Variants in AGBL1 observed in about 807,000 individuals in gnomAD.
The protein encoded by AGBL1 is AGBL carboxypeptidase 1, also known as cytosolic carboxypeptidase 4.
AGBL1 carries 130 observed loss-of-function variants against 118.9 expected under a neutral mutation model. The observed-to-expected ratio is 1.09, with a 90% CI of 0.95 to 1.26. The LOEUF is 1.26. AGBL1 is among the 50% of genes most tolerant of loss of function. The pLI, the probability that AGBL1 is intolerant of heterozygous loss-of-function variation, is 0.00. For synonymous variants in AGBL1, 555 were observed against 478.9 expected (o/e 1.16, Z -2.08); for missense variants, 1,584 against 1,298.1 (o/e 1.22, Z -3.38).
chr15:86,289,276 C>T (rs1332985401), intron 16 of AGBL1, among the ~76,000 whole-genome samples: 1 of 152,150 alleles, frequency 6.6e-6, no homozygotes, highest in Non-Finnish European at 1.5e-5. Context: ...ATTTTCCATG[C>T]CTCACCGCTG....
intron 18 of AGBL1, among the ~76,000 whole-genome samples, chr15:86,406,343 C>T (rs1207488364): frequency 2.6e-5 from 4 of 152,244 alleles, no homozygotes; most frequent in Middle Eastern, 3.4e-3. Context: ...ATCTATTTAC[C>T]GAGTGCTCAA....
In AGBL1 at chr15:86,143,738, G is replaced by T. The variant is rs756467636; in HGVS notation, c.155G>T (p.Gly52Val). 5 of 1,613,850 alleles carry T rather than the reference G, an allele frequency of 3.1e-6. No homozygotes were observed. The highest frequency in any genetic ancestry group is 4.2e-6 in the Non-Finnish European group (5 of 1,179,800). ...RRIHYMISKGGSEALLQTLVD... is the reference protein window; with the variant it reads ...RRIHYMISKGVSEALLQTLVD... ...ATTCACTACATGATCAGCAAGGGTGGCAGTGAAGCTCTTCTGCAGACCCTG... is the reference window on the plus strand; with the variant it reads ...ATTCACTACATGATCAGCAAGGGTGTCAGTGAAGCTCTTCTGCAGACCCTG... The change falls in exon 3 of 23, where the codon GGC becomes GTC. Residue 52 changes from glycine (G) to valine (V), a missense_variant. Physicochemically the swap from Gly to Val is moderately radical, Grantham distance 109. Transcript: ENST00000614907.
chr15:86,586,847 T>C (rs1316779281), intron 21 of AGBL1, among the ~76,000 whole-genome samples: 2 of 152,082 alleles, frequency 1.3e-5, no homozygotes, highest in East Asian at 1.9e-4. Context: ...TAGAAAGGAA[T>C]GCTTAAGTTA....
intron 1 of AGBL1, among the ~76,000 whole-genome samples, chr15:86,135,141 C>T (rs1487409375): frequency 3.3e-5 from 5 of 152,208 alleles, no homozygotes; most frequent in African/African-American, 2.4e-5. Context: ...GTCACAGGAG[C>T]GGGTGAGTTC....
intron 21 of AGBL1, among the ~76,000 whole-genome samples, chr15:86,574,032 C>T (rs1221245683): frequency 6.6e-6 from 1 of 151,290 alleles, no homozygotes; most frequent in Non-Finnish European, 1.5e-5. Flanking sequence ...AGCGACCAAA[C>T]AAATAAACAA....
At chr15:86,705,620 G>T (rs556966775) in intron 22 of AGBL1, among the ~76,000 whole-genome samples, 1 of 152,182 alleles carries the variant, frequency 6.6e-6, no homozygotes, top group African/African-American at 2.4e-5. Context: ...TTATGGGGAT[G>T]TAAGCATTAT....
chr15:86,712,106 T>C (rs566322425), intron 22 of AGBL1, among the ~76,000 whole-genome samples: 2 of 152,310 alleles, frequency 1.3e-5, no homozygotes, highest in East Asian at 1.9e-4. Context: ...CTCTATAGCC[T>C]TTGATTTTTA....
chr15:86,762,638 G>A (rs768960849), intron 22 of AGBL1, among the ~76,000 whole-genome samples: 6 of 152,014 alleles, frequency 3.9e-5, no homozygotes, highest in Non-Finnish European at 7.4e-5. Context: ...CATGGAGAAG[G>A]CATAGGAAAT....
At chr15:86,714,246 T>G (rs567272482) in intron 22 of AGBL1, among the ~76,000 whole-genome samples, 196 of 152,158 alleles carry the variant, frequency 1.3e-3, no homozygotes, top group African/African-American at 4.5e-3. Flanking sequence ...AAAGGCACAT[T>G]TTACTGGTGA....
intron 23 of AGBL1, among the ~76,000 whole-genome samples, chr15:86,978,198 A>G (rs187064417): frequency 4.6e-5 from 7 of 152,294 alleles, no homozygotes; most frequent in Non-Finnish European, 8.8e-5. Context: ...TGAAATTTTC[A>G]TATCTGAAAT....
intron 14 of AGBL1, among the ~76,000 whole-genome samples, chr15:86,270,488 C>T (rs1255924892): frequency 6.6e-6 from 1 of 152,148 alleles, no homozygotes. Flanking sequence ...TTAAATTCTC[C>T]TGAATACCCG....
chr15:86,852,731 C>T (rs1349076923), intron 22 of AGBL1, among the ~76,000 whole-genome samples: 1 of 152,292 alleles, frequency 6.6e-6, no homozygotes, highest in East Asian at 1.9e-4. Context: ...CTGTGAACCT[C>T]TTTCCTGGAA....
At chr15:86,175,178 T>C (rs1333359737) in intron 5 of AGBL1, among the ~76,000 whole-genome samples, 1 of 152,058 alleles carries the variant, frequency 6.6e-6, no homozygotes, top group African/African-American at 2.4e-5. Flanking sequence ...TTTTTATTAC[T>C]CATTCAATCT....
intron 18 of AGBL1, among the ~76,000 whole-genome samples, chr15:86,505,775 T>C (rs11857429): frequency 0.092 from 13,985 of 152,000 alleles, 2,249 homozygotes; most frequent in African/African-American, 0.32. Context: ...TATCTGGGCT[T>C]CCACAAGGAT....
chr15:86,191,633 C>T (rs2077723268), intron 5 of AGBL1, among the ~76,000 whole-genome samples: 1 of 152,050 alleles, frequency 6.6e-6, no homozygotes, highest in African/African-American at 2.4e-5. Flanking sequence ...TTGTGAATGA[C>T]AGAAAACTCT....
chr15:86,579,399 A>G lies in AGBL1; in HGVS notation c.2994+24862A>G, dbSNP rs147538988. On this transcript the variant is annotated intron_variant, in intron 21 of 22. Transcript: ENST00000614907. ...TTAATGTAATATGAATTAAATGTGA[A>G]TTATGACTGTTAAAAACGTGAATGT... Among the ~76,000 whole-genome samples the G allele has an allele frequency of 2.9e-3, 449 of 152,352 alleles. 3 individuals are homozygous for G. The highest frequency in any genetic ancestry group is 0.01 in the African/African-American group (417 of 41,580).
rs144799716 is a variant in AGBL1 at position 86,092,415 on chromosome 15, A to G, written c.51+12392A>G. ...TTCCATGAACCTCTGCTCTTAAATAATGGTAGGTTAGATATTTCAGACCAA... is the reference window on the plus strand; with the variant it reads ...TTCCATGAACCTCTGCTCTTAAATAGTGGTAGGTTAGATATTTCAGACCAA... On this transcript the variant is annotated intron_variant, in intron 1 of 22. Transcript: ENST00000614907. 2.2e-3 allele frequency among the ~76,000 whole-genome samples: 340 copies of G among 152,294 alleles called. No individual in the cohort carries two copies. In the Middle Eastern group the frequency reaches 0.027, roughly 12 times the overall value.
intron 18 of AGBL1, among the ~76,000 whole-genome samples, chr15:86,426,237 A>T (rs1309610025): frequency 6.6e-6 from 1 of 152,218 alleles, no homozygotes; most frequent in Non-Finnish European, 1.5e-5. Flanking sequence ...ATACAAAGGA[A>T]TGTCAGCTTA....
At chr15:86,367,068 T>G (rs2141934656) in intron 17 of AGBL1, among the ~76,000 whole-genome samples, 1 of 152,314 alleles carries the variant, frequency 6.6e-6, no homozygotes, top group South Asian at 2.1e-4. Flanking sequence ...TTAATTTCAT[T>G]TAATTTCATG....
Sources: allele counts gnomAD v4.1 joint callset (sites outside exome capture counted in the v4.1 genomes callset), GRCh38; gene constraint gnomAD v4.1.1; transcripts MANE v1.5; gene names NCBI Gene and HGNC (gene_info 2026-07-23, HGNC 2026-07-21).